Variants in KDM6A observed in about 807,000 individuals in gnomAD.
KDM6A encodes the protein lysine demethylase 6A, also known as lysine-specific demethylase 6A.
A neutral mutation model predicts 117.6 loss-of-function variants in KDM6A; 11 were observed. That is an observed-to-expected ratio of 0.09 (90% CI 0.06 to 0.15). The LOEUF (loss-of-function observed/expected upper bound fraction) is 0.15, where lower values mean the gene tolerates loss of function less well. Ranked by LOEUF, KDM6A falls within the 10% of genes least tolerant of loss-of-function variation. The probability of loss-of-function intolerance (pLI) is 1.00; values close to 1 mark genes in which losing one functional copy is unlikely to be tolerated. For missense variants in KDM6A, 799 were observed against 1,077.3 expected, an observed-to-expected ratio of 0.74 and a Z score of 3.62; for synonymous variants, 384 against 396.1, an observed-to-expected ratio of 0.97 and a Z score of 0.36.
intron 4 of KDM6A, among the ~76,000 whole-genome samples, chrX:44,995,664 T>G (rs955220920): frequency 2.7e-5 from 3 of 110,604 alleles, no homozygotes; most frequent in African/African-American, 9.9e-5. Flanking sequence ...CGACTGAGTT[T>G]CCCCATGTTG....
chrX:44,891,241 C>G (rs1436827614), intron 2 of KDM6A, among the ~76,000 whole-genome samples: 4 of 110,047 alleles, frequency 3.6e-5, no homozygotes, highest in Non-Finnish European at 7.6e-5. Context: ...TGTTGCCTGG[C>G]CCTAGATCCC....
intron 2 of KDM6A, among the ~76,000 whole-genome samples, chrX:44,935,154 GT>G (rs2036893772): frequency 9.0e-6 from 1 of 111,691 alleles, no homozygotes; most frequent in Non-Finnish European, 1.9e-5. Flanking sequence ...AGAGGGTGAT[GT>G]TATAGTGAAT....
At chrX:44,943,114 A>G (rs767568871) in intron 2 of KDM6A, among the ~76,000 whole-genome samples, 6 of 111,577 alleles carry the variant, frequency 5.4e-5, no homozygotes, top group Non-Finnish European at 9.4e-5. Flanking sequence ...ATTTTAAAAA[A>G]TAAACTCTTT....
intron 6 of KDM6A, among the ~76,000 whole-genome samples, chrX:45,024,826 T>C (rs1168230701): frequency 9.0e-6 from 1 of 111,275 alleles, no homozygotes; most frequent in Non-Finnish European, 1.9e-5. Flanking sequence ...ACAACCATAA[T>C]TGGGGGCCAG....
chrX:44,911,203 G>A (rs1387043209), intron 2 of KDM6A, among the ~76,000 whole-genome samples: 2 of 107,772 alleles, frequency 1.9e-5, no homozygotes, highest in African/African-American at 6.8e-5. Context: ...GGTGGCTGCC[G>A]GGCGGAGACA....
At chrX:44,918,606 A>G (rs766875781) in intron 2 of KDM6A, among the ~76,000 whole-genome samples, 1 of 111,474 alleles carries the variant, frequency 9.0e-6, no homozygotes, top group South Asian at 3.7e-4. Context: ...TTCTAGGAGA[A>G]TACATGTGGA....
intron 16 of KDM6A, among the ~76,000 whole-genome samples, chrX:45,063,015 T>C (rs1193092928): frequency 9.0e-6 from 1 of 111,656 alleles, no homozygotes; most frequent in Non-Finnish European, 1.9e-5. Context: ...TATTTAGTAC[T>C]GAGGCAAGGT....
At chrX:45,097,404 A>G (rs1356661456) in intron 27 of KDM6A, among the ~76,000 whole-genome samples, 3 of 111,471 alleles carry the variant, frequency 2.7e-5, no homozygotes, top group African/African-American at 9.8e-5. Context: ...GTACATTTAT[A>G]ATATATCGTA....
In KDM6A at chrX:45,109,062, A is replaced by G. The variant is rs1343338437; in HGVS notation, c.4162-1017A>G. ...TGCAGCGCACCACCATGGCACATGT[A>G]TACATATGTAACTAACCTGCACAAT... On this transcript the variant is annotated intron_variant, in intron 28 of 29. Coordinates refer to ENST00000611820, the MANE Select transcript of KDM6A (RefSeq NM_001291415.2). Among the ~76,000 whole-genome samples, 3 of 105,160 alleles carry G rather than the reference A, an allele frequency of 2.9e-5. No homozygotes were observed. In the South Asian group the frequency reaches 1.3e-3, roughly 45 times the overall value. 91.3% of individuals were successfully genotyped at this position (105,160 alleles called of 115,157 possible).
intron 4 of KDM6A, among the ~76,000 whole-genome samples, chrX:44,988,574 C>T (rs2040382522): frequency 9.0e-6 from 1 of 110,963 alleles, no homozygotes; most frequent in Non-Finnish European, 1.9e-5. Context: ...TGGTGACGTA[C>T]AGATGGGGTT....
chrX:45,107,129 A>G, intron 27 of KDM6A: 1 of 242,611 alleles, frequency 4.1e-6, no homozygotes, highest in Non-Finnish European at 7.4e-6. Flanking sequence ...AGCAACTCAC[A>G]TTTAAGCAGG....
chrX:44,911,638 A>T (rs761164901), intron 2 of KDM6A, among the ~76,000 whole-genome samples: 1 of 112,299 alleles, frequency 8.9e-6, no homozygotes, highest in African/African-American at 3.2e-5. Flanking sequence ...GGCTGGGCAG[A>T]GGCTGCAATC....
chrX:45,069,128 A>G (rs1319311273), intron 17 of KDM6A, among the ~76,000 whole-genome samples: 1 of 112,216 alleles, frequency 8.9e-6, no homozygotes, highest in Non-Finnish European at 1.9e-5. Flanking sequence ...TTTGAATTAC[A>G]GAAGATTATA....
chrX:44,928,881 T>C (rs1230811121), intron 2 of KDM6A, among the ~76,000 whole-genome samples: 1 of 111,813 alleles, frequency 8.9e-6, no homozygotes, highest in Non-Finnish European at 1.9e-5. Flanking sequence ...TCTTAGTGAA[T>C]ACTTTCAAAT....
intron 2 of KDM6A, among the ~76,000 whole-genome samples, chrX:44,948,617 A>G (rs189605077): frequency 8.9e-6 from 1 of 112,129 alleles, no homozygotes; most frequent in East Asian, 2.8e-4. Flanking sequence ...GTTTTCAGAA[A>G]ATAGGGAAAC....
intron 2 of KDM6A, among the ~76,000 whole-genome samples, chrX:44,936,776 T>C (rs1013903131): frequency 8.9e-6 from 1 of 112,243 alleles, no homozygotes; most frequent in Middle Eastern, 4.2e-3. Context: ...TTAAATAATT[T>C]TGTTAAACGA....
chrX:45,043,823 C>CATATTT (rs911097933), intron 8 of KDM6A, among the ~76,000 whole-genome samples: 5 of 111,548 alleles, frequency 4.5e-5, no homozygotes, highest in African/African-American at 1.6e-4. Context: ...ATTGTCATAC[C>CATATTT]ATCTATAAAT....
intron 4 of KDM6A, among the ~76,000 whole-genome samples, chrX:44,992,222 T>C (rs1457575405): frequency 3.1e-5 from 2 of 63,808 alleles, no homozygotes; most frequent in African/African-American, 1.7e-4. Context: ...TTTTTTTTTT[T>C]TTTTTTTTTT....
intron 2 of KDM6A, among the ~76,000 whole-genome samples, chrX:44,896,414 A>G (rs1407315458): frequency 9.0e-6 from 1 of 111,407 alleles, no homozygotes; most frequent in Non-Finnish European, 1.9e-5. Flanking sequence ...CATTCTCTAC[A>G]TACATTGAAC....
Sources: allele counts gnomAD v4.1 joint callset (sites outside exome capture counted in the v4.1 genomes callset), GRCh38; gene constraint gnomAD v4.1.1; transcripts MANE v1.5; gene names NCBI Gene and HGNC (gene_info 2026-07-23, HGNC 2026-07-21).